UBE2D3: variants seen among roughly 807,000 people sequenced by gnomAD.
UBE2D3 encodes the protein ubiquitin-conjugating enzyme E2 D3.
Under a neutral mutation model 22.8 loss-of-function variants are expected in UBE2D3, and 2 were observed. The observed-to-expected ratio is 0.09, with a 90% CI of 0.04 to 0.28. The LOEUF is 0.28. Ranked by LOEUF, UBE2D3 falls within the 10% of genes least tolerant of loss-of-function variation. The pLI is 1.00. For synonymous variants in UBE2D3, 56 were observed against 60.4 expected (o/e 0.93, Z 0.34); for missense variants, 27 against 182.5 (o/e 0.15, Z 4.91).
chr4:102,845,543 C>T (rs1578289873), intron 1 of UBE2D3, among the ~76,000 whole-genome samples: 1 of 152,282 alleles, frequency 6.6e-6, no homozygotes, highest in Non-Finnish European at 1.5e-5. Flanking sequence ...AGTCTCTTTC[C>T]ATCAGTGAAG....
At chr4:102,838,333 C>G (rs1416854635) in intron 1 of UBE2D3, among the ~76,000 whole-genome samples, 3 of 152,112 alleles carry the variant, frequency 2.0e-5, no homozygotes, top group Non-Finnish European at 4.4e-5. Flanking sequence ...TAGTGTGCAC[C>G]TCTTCCCAGC....
chr4:102,845,013 C>T (rs223364), intron 1 of UBE2D3, among the ~76,000 whole-genome samples: 51,143 of 132,156 alleles, frequency 0.39, 9,629 homozygotes, highest in African/African-American at 0.48. Flanking sequence ...CAGAGCAAGA[C>T]TCCATCTCAA....
In UBE2D3 at chr4:102,796,223, A is replaced by G. The variant is rs1211075648; in HGVS notation, c.*1192T>C. ...TTCAGCTGTCAAGTGTACAAGGTGA[A>G]GAGAAATTTCAGTTAGACAGGGGCT... On this transcript the variant is annotated 3_prime_UTR_variant, in exon 8 of 8. Coordinates refer to ENST00000453744, the MANE Select transcript of UBE2D3 (RefSeq NM_181891.3). 1 of 152,388 alleles carries G rather than the reference A, an allele frequency of 6.6e-6. No homozygotes were observed. The highest frequency in any genetic ancestry group is 1.5e-5 in the Non-Finnish European group (1 of 67,888). 9.4% of individuals were successfully genotyped at this position (152,388 alleles called of 1,614,324 possible).
chr4:102,827,935 T>G, upstream of UBE2D3: 1 of 985,526 alleles, frequency 1.0e-6, no homozygotes, highest in Non-Finnish European at 1.2e-6. Context: ...CGTCCCCCAG[T>G]TTCCTCACTT....
At chr4:102,853,002 T>C (rs1732437629) in intron 1 of UBE2D3, among the ~76,000 whole-genome samples, 1 of 152,168 alleles carries the variant, frequency 6.6e-6, no homozygotes, top group African/African-American at 2.4e-5. Context: ...ACATTTCTGC[T>C]TATTAGTCCC....
intron 4 of UBE2D3, among the ~76,000 whole-genome samples, chr4:102,806,871 T>C (rs1003625344): frequency 6.6e-6 from 1 of 151,760 alleles, no homozygotes; most frequent in Non-Finnish European, 1.5e-5. Flanking sequence ...CACAAAAAAC[T>C]AGCAATGCTG....
intron 2 of UBE2D3, among the ~76,000 whole-genome samples, chr4:102,817,844 C>T (rs999823735): frequency 5.9e-5 from 9 of 152,162 alleles, no homozygotes; most frequent in Non-Finnish European, 1.3e-4. Context: ...CAATTTCCAA[C>T]GACACCCATA....
At chr4:102,811,107 T>A (rs1175821141) in intron 2 of UBE2D3, 1 of 152,182 alleles carries the variant, frequency 6.6e-6, no homozygotes, top group African/African-American at 2.4e-5. Flanking sequence ...CCTAACACCC[T>A]GGGAGGCAAA....
intron 2 of UBE2D3, among the ~76,000 whole-genome samples, chr4:102,817,447 G>A (rs1728930846): frequency 6.6e-6 from 1 of 152,134 alleles, no homozygotes; most frequent in South Asian, 2.1e-4. Flanking sequence ...TTAAGAGAGG[G>A]GAAAGAAATG....
chr4:102,800,592 T>G (rs1297124656), intron 6 of UBE2D3, among the ~76,000 whole-genome samples: 1 of 151,972 alleles, frequency 6.6e-6, no homozygotes, highest in Non-Finnish European at 1.5e-5. Context: ...TCCAAGAAGG[T>G]GAAAAACAGG....
intron 2 of UBE2D3, chr4:102,819,505 A>G: frequency 1.1e-6 from 1 of 938,856 alleles, no homozygotes; most frequent in South Asian, 4.9e-5. Flanking sequence ...AATGACAGCC[A>G]GTATCTGTTC....
At chr4:102,839,110 T>A (rs988547213) in intron 1 of UBE2D3, among the ~76,000 whole-genome samples, 2 of 152,144 alleles carry the variant, frequency 1.3e-5, no homozygotes, top group African/African-American at 4.8e-5. Context: ...AATCTACAGC[T>A]AAGGTTGAAT....
intron 2 of UBE2D3, among the ~76,000 whole-genome samples, chr4:102,815,193 G>A (rs1232071480): frequency 6.6e-6 from 1 of 151,802 alleles, no homozygotes; most frequent in Admixed American, 6.6e-5. Flanking sequence ...AGAGATGTGC[G>A]CCACCACACC....
intron 4 of UBE2D3, 27 bp downstream of exon 4, chr4:102,809,644 AC>A: frequency 6.3e-7 from 1 of 1,576,062 alleles, no homozygotes; most frequent in Non-Finnish European, 8.6e-7. Context: ...TTCACTTAAA[AC>A]TAAATTTAAA....
chr4:102,857,453 T>C (rs1169635837), intron 1 of UBE2D3, among the ~76,000 whole-genome samples: 2 of 152,148 alleles, frequency 1.3e-5, no homozygotes, highest in Non-Finnish European at 2.9e-5. Context: ...AGAAATCATG[T>C]GTCAAACATA....
At chr4:102,798,826 T>C in intron 7 of UBE2D3, 3 of 1,070,912 alleles carry the variant, frequency 2.8e-6, no homozygotes, top group Non-Finnish European at 2.8e-6. Flanking sequence ...AAGACTGCCA[T>C]ATTTGTTACC....
rs751422153 is a variant in UBE2D3 at position 102,794,586 on chromosome 4, C to G, written c.*2829G>C. 1 of 151,650 alleles carries G rather than the reference C, an allele frequency of 6.6e-6. No individual in the cohort carries two copies. Among genetic ancestry groups the G allele is most frequent in the East Asian group, 1.9e-4 (1 of 5,176 alleles). The allele number at this position is 151,650 out of a possible 1,614,324, so 9.4% of individuals were successfully genotyped here. A position where few individuals can be genotyped will look rare whatever the true frequency, so the allele number is the denominator to read the frequency against. ...AACACAAAACATGGCTGAGTTACCC[C>G]CCTCCCCGCCCAAATTACTAACACA... On this transcript the variant is annotated 3_prime_UTR_variant, in exon 8 of 8. Coordinates refer to ENST00000453744, the MANE Select transcript of UBE2D3 (RefSeq NM_181891.3).
At chr4:102,811,491 T>C (rs543063349) in intron 2 of UBE2D3, 5 of 198,870 alleles carry the variant, frequency 2.5e-5, no homozygotes, top group South Asian at 1.3e-4. Context: ...AGACCAGTGC[T>C]GCTAACATGG....
chr4:102,827,234 G>A (rs1730700685), intron 1 of UBE2D3, 193 bp downstream of exon 1: 5 of 980,680 alleles, frequency 5.1e-6, no homozygotes, highest in Non-Finnish European at 6.1e-6. Flanking sequence ...CTCCGGCTTA[G>A]GCGCGAGGAC....
Sources: allele counts gnomAD v4.1 joint callset (sites outside exome capture counted in the v4.1 genomes callset), GRCh38; gene constraint gnomAD v4.1.1; transcripts MANE v1.5; gene names NCBI Gene and HGNC (gene_info 2026-07-23, HGNC 2026-07-21).